The following NLRP2 variants were observed in gnomAD, a reference collection of about 807,000 sequenced individuals.
NLRP2 encodes NLR family pyrin domain containing 2.
Under a neutral mutation model 97.2 loss-of-function variants are expected in NLRP2, and 107 were observed. That is an observed-to-expected ratio of 1.10 (90% CI 0.94 to 1.29). The LOEUF is 1.29. Ranked by LOEUF, NLRP2 falls within the 50% of genes most tolerant of loss-of-function variation. NLRP2 has a pLI of 0.00. For synonymous variants in NLRP2, 663 were observed against 551.5 expected (o/e 1.20, Z -2.83); for missense variants, 1,495 against 1,330.3 (o/e 1.12, Z -1.93).
chr19:54,983,573 C>G lies in NLRP2; in HGVS notation c.1875C>G (p.Phe625Leu). The change falls in exon 6 of 13, where the codon TTC becomes TTG. Residue 625 changes from phenylalanine to leucine, a missense_variant. By Grantham distance (22) the Phe-to-Leu change is conservative (BLOSUM62 0). Coordinates refer to ENST00000448584, the MANE Select transcript of NLRP2 (RefSeq NM_017852.5). ...TGGTGAAGGAGGTGATGGCTCAGTT[C>G]AAAGAAATATCCCTGCACTTAAATG... ...EELVKEVMAQ[F>L]KEISLHLNAV... is the part of the protein sequence containing the mutation. 2 of 1,614,118 alleles carry G rather than the reference C, an allele frequency of 1.2e-6. No individual in the cohort carries two copies. Among genetic ancestry groups the G allele is most frequent in the Non-Finnish European group, 1.7e-6 (2 of 1,180,014 alleles).
chr19:54,985,891 C>T (rs866369176), intron 7 of NLRP2, among the ~76,000 whole-genome samples: 5 of 151,576 alleles, frequency 3.3e-5, no homozygotes, highest in South Asian at 2.1e-4. Flanking sequence ...CCAGCTACTC[C>T]GGATGCTGAG....
intron 2 of NLRP2, chr19:54,973,820 G>T: frequency 1.6e-6 from 1 of 609,104 alleles, no homozygotes; most frequent in South Asian, 1.4e-5. Context: ...CACAGACATG[G>T]TGAATGTTCC....
intron 3 of NLRP2, among the ~76,000 whole-genome samples, chr19:54,975,920 T>C (rs557000946): frequency 3.3e-4 from 50 of 151,856 alleles, no homozygotes; most frequent in African/African-American, 1.2e-3. Context: ...CTGACTAATA[T>C]TTGTATTTTT....
intron 3 of NLRP2, among the ~76,000 whole-genome samples, chr19:54,976,643 G>C (rs1377138666): frequency 6.6e-6 from 1 of 151,886 alleles, no homozygotes; most frequent in African/African-American, 2.4e-5. Context: ...CACCTCACCT[G>C]GTGGTGAAGA....
Position 54,969,926 on chromosome 19 carries a change from A to G in NLRP2, c.-17-73A>G, listed in dbSNP as rs998549423. 14 of 1,461,606 alleles carry G rather than the reference A, an allele frequency of 9.6e-6. No individual in the cohort carries two copies. The African/African-American group carries it at 1.9e-4, about 20-fold the overall frequency. 90.5% of individuals were successfully genotyped at this position (1,461,606 alleles called of 1,614,324 possible). On this transcript the variant is annotated intron_variant, in intron 1 of 12. Coordinates refer to ENST00000448584, the MANE Select transcript of NLRP2 (RefSeq NM_017852.5). ...TGGTGAGTGTCCTTGTTCGTGGCAC[A>G]GCAGGAACTGGCATTTGAGACAGGA...
rs776314155 is a variant in NLRP2 at position 54,997,472 on chromosome 19, C to T, written c.3035C>T (p.Thr1012Ile). Residue 1012 changes from threonine to isoleucine, a missense_variant, in exon 12 of 13, where the codon ACC becomes ATC. By Grantham distance (89) the Thr-to-Ile change is moderately conservative. Coordinates refer to ENST00000448584, the MANE Select transcript of NLRP2 (RefSeq NM_017852.5). ...GAAACCTTGACATGTTCCAGTGGCA[C>T]CCTCCGGACACTCAGGTATGATCCA... ...LFETLTCSSG[T>I]LRTLRLKIDD... is the part of the protein sequence containing the mutation. 6.2e-7 allele frequency: 1 copy of T among 1,614,184 alleles called. No homozygotes were observed. Among genetic ancestry groups the T allele is most frequent in the Non-Finnish European group, 8.5e-7 (1 of 1,180,020 alleles).
intron 9 of NLRP2, 42 bp from the exon 10 acceptor site, chr19:54,990,460 T>C: frequency 6.2e-7 from 1 of 1,605,040 alleles, no homozygotes; most frequent in Non-Finnish European, 8.5e-7. Flanking sequence ...AAGGTTGAAG[T>C]TGGACCTGTC....
intron 6 of NLRP2, among the ~76,000 whole-genome samples, chr19:54,984,390 T>C (rs1334860752): frequency 1.4e-5 from 2 of 143,742 alleles, no homozygotes; most frequent in East Asian, 2.0e-4. Context: ...CAGGCTGGTC[T>C]TGAACTCCCA....
At chr19:54,998,772 A>T (rs1387167333) in intron 12 of NLRP2, among the ~76,000 whole-genome samples, 4 of 149,140 alleles carry the variant, frequency 2.7e-5, no homozygotes, top group Non-Finnish European at 4.5e-5. Context: ...TAGGCAGAGG[A>T]CCCTGCGGCC....
At chr19:54,986,635 C>CT (rs1450330436) in intron 8 of NLRP2, among the ~76,000 whole-genome samples, 1 of 151,896 alleles carries the variant, frequency 6.6e-6, no homozygotes, top group Non-Finnish European at 1.5e-5. Flanking sequence ...ACTGCAACCT[C>CT]TGTCTCCTGG....
Position 54,985,304 on chromosome 19 carries a change from A to G in NLRP2, c.2201+87A>G, listed in dbSNP as rs1341814766. 8 of 1,280,180 alleles carry G rather than the reference A, an allele frequency of 6.2e-6. No individual in the cohort carries two copies. In the Admixed American group the frequency reaches 1.2e-4, roughly 19 times the overall value. The allele number at this position is 1,280,180 out of a possible 1,614,324, so 79.3% of individuals were successfully genotyped here. A position where few individuals can be genotyped will look rare whatever the true frequency, so the allele number is the denominator to read the frequency against. On this transcript the variant is annotated intron_variant, in intron 7 of 12. Coordinates refer to ENST00000448584, the MANE Select transcript of NLRP2 (RefSeq NM_017852.5). ...ATCGGAGCAATATTCAGATTCCTGT[A>G]CTAGACTCTTAAGTGCTCGAGACAC... is the stretch of plus-strand genomic sequence containing the variant.
At chr19:54,966,875 T>C (rs925039666) in intron 1 of NLRP2, among the ~76,000 whole-genome samples, 1 of 130,776 alleles carries the variant, frequency 7.6e-6, no homozygotes, top group African/African-American at 2.8e-5. Context: ...AGGGTCTTAC[T>C]CTGTTTCCCA....
At chr19:54,974,769 G>A (rs2071090856) in intron 3 of NLRP2, among the ~76,000 whole-genome samples, 1 of 152,126 alleles carries the variant, frequency 6.6e-6, no homozygotes, top group Non-Finnish European at 1.5e-5. Flanking sequence ...AAGCGGGGAA[G>A]GGTAAGCTTG....
intron 5 of NLRP2, 133 bp from the exon 6 acceptor site, chr19:54,982,029 C>T (rs1319619144): frequency 2.4e-5 from 27 of 1,114,322 alleles, no homozygotes; most frequent in Admixed American, 3.5e-5. Context: ...CTGCCTGCCT[C>T]GACCTCCCAA....
intron 11 of NLRP2, 136 bp downstream of exon 11, chr19:54,994,575 A>G: frequency 1.1e-6 from 1 of 913,214 alleles, no homozygotes; most frequent in Admixed American, 1.9e-5. Flanking sequence ...AGCATTTACT[A>G]GGATGGTTAA....
chr19:54,985,083 G>T lies in NLRP2; in HGVS notation c.2067G>T (p.Thr689=). The change falls in exon 7 of 13, where the codon ACG becomes ACT. Residue 689 remains threonine (T), a synonymous_variant. Coordinates refer to ENST00000448584, the MANE Select transcript of NLRP2 (RefSeq NM_017852.5). Reference sequence around the variant, plus strand: ...ATCAGCACATGCTTCCTTTCTGGACGGACCTTTGTTCCATATTTGGATCAA... The same window carrying T: ...ATCAGCACATGCTTCCTTTCTGGACTGACCTTTGTTCCATATTTGGATCAA... ...QDDQHMLPFW[T]DLCSIFGSNK... is the part of the protein sequence containing the mutation. The T allele has an allele frequency of 6.2e-7, 1 of 1,614,030 alleles. No homozygotes were observed. The highest frequency in any genetic ancestry group is 8.5e-7 in the Non-Finnish European group (1 of 1,180,014).
At chr19:54,966,357 A>T (rs1039578785), upstream of NLRP2, 8 of 151,504 alleles carry the variant, frequency 5.3e-5, no homozygotes, top group African/African-American at 1.9e-4. Context: ...CTCAGCAACG[A>T]TTACGCCCCG....
chr19:54,966,308 C>G (rs2070395831), upstream of NLRP2: 1 of 151,938 alleles, frequency 6.6e-6, no homozygotes, highest in Non-Finnish European at 1.5e-5. Flanking sequence ...CCCCCGCCCC[C>G]AAAAGACCTC....
intron 4 of NLRP2, among the ~76,000 whole-genome samples, chr19:54,978,892 A>C (rs1217188066): frequency 6.6e-6 from 1 of 151,888 alleles, no homozygotes; most frequent in East Asian, 1.9e-4. Flanking sequence ...TTTATGGTAC[A>C]TTGCTCAGAC....
Sources: allele counts gnomAD v4.1 joint callset (sites outside exome capture counted in the v4.1 genomes callset), GRCh38; gene constraint gnomAD v4.1.1; transcripts MANE v1.5; gene names NCBI Gene and HGNC (gene_info 2026-07-23, HGNC 2026-07-21).